The following ANKMY1 variants were observed in gnomAD, a reference collection of about 807,000 sequenced individuals.
ANKMY1 encodes the protein ankyrin repeat and MYND domain-containing protein 1.
ANKMY1 carries 98 observed loss-of-function variants against 102.0 expected under a neutral mutation model. The observed-to-expected ratio is 0.96, with a 90% CI of 0.82 to 1.14. ANKMY1 has a LOEUF of 1.14. ANKMY1 is among the 50% of genes most tolerant of loss of function. The pLI, the probability that ANKMY1 is intolerant of heterozygous loss-of-function variation, is 0.00. For synonymous variants in ANKMY1, 582 were observed against 559.9 expected, an observed-to-expected ratio of 1.04 and a Z score of -0.56; for missense variants, 1,330 against 1,347.6, an observed-to-expected ratio of 0.99 and a Z score of 0.20.
chr2:240,560,472 C>A (rs1157969691), upstream of ANKMY1: 9 of 687,766 alleles, frequency 1.3e-5, no homozygotes, highest in Non-Finnish European at 1.9e-5. Context: ...GCCCAAACCT[C>A]CCGCCATGCC....
chr2:240,561,016 C>G (rs982096102), upstream of ANKMY1: 1 of 1,533,740 alleles, frequency 6.5e-7, no homozygotes, highest in African/African-American at 1.4e-5. Flanking sequence ...AGCCGCTCGG[C>G]CGCCGTCTGC....
rs780812371 is a variant in ANKMY1 at position 240,557,355 on chromosome 2, GCAAGCGACGTCA to G, written c.-17-15_-17-4del. On this transcript the variant is annotated splice_region_variant and splice_polypyrimidine_tract_variant and intron_variant, in intron 1 of 17. Coordinates refer to ENST00000401804, the MANE Select transcript of ANKMY1 (RefSeq NM_001282771.3). The stretch of plus-strand genomic sequence containing the variant: ...TTCCATGTCTGTGGTCTTCCAACCT[GCAAGCGACGTCA>G]GGACCGCACATGTGCCCCCAGGGCT... 6.7e-7 allele frequency: 1 copy of G among 1,500,484 alleles called. No homozygotes were observed. Among genetic ancestry groups the G allele is most frequent in the African/African-American group, 1.4e-5 (1 of 70,432 alleles). The allele number at this position is 1,500,484 out of a possible 1,614,324, so 92.9% of individuals were successfully genotyped here.
upstream of ANKMY1, chr2:240,560,999 C>G (rs766787898): frequency 2.6e-6 from 4 of 1,538,520 alleles, no homozygotes; most frequent in East Asian, 2.4e-5. Flanking sequence ...ACTGCAAGAA[C>G]GGCCGCAGCC....
In ANKMY1 at chr2:240,507,701, C is replaced by T. The variant is rs1575026715; in HGVS notation, c.2395-10G>A. The T allele has an allele frequency of 1.9e-6, 3 of 1,593,994 alleles. No homozygotes were observed. Among genetic ancestry groups the T allele is most frequent in the East Asian group, 2.3e-5 (1 of 44,342 alleles). The stretch of plus-strand genomic sequence containing the variant: ...GGAGCTCCTTCACAACCTGAACATA[C>T]ACAGACAGTCTCATCAGTGGCCACC... On this transcript the variant is annotated splice_polypyrimidine_tract_variant and intron_variant, in intron 12 of 17. Transcript: ENST00000401804.
intron 16 of ANKMY1, 72 bp downstream of exon 16, chr2:240,482,111 G>T: frequency 6.6e-7 from 1 of 1,521,256 alleles, no homozygotes; most frequent in Non-Finnish European, 9.0e-7. Context: ...AGGTGGTCAG[G>T]CCAGGCACAA....
intron 10 of ANKMY1, 86 bp from the exon 11 acceptor site, chr2:240,512,087 C>T: frequency 1.4e-6 from 2 of 1,418,048 alleles, no homozygotes; most frequent in East Asian, 5.7e-5. Flanking sequence ...GCTTCCTCCC[C>T]AGCCTGCGGG....
chr2:240,478,034 C>G (rs550998595), downstream of ANKMY1, among the ~76,000 whole-genome samples: 5 of 152,236 alleles, frequency 3.3e-5, no homozygotes, highest in South Asian at 1.0e-3. Flanking sequence ...GCAGACTTCC[C>G]CATCTGGTGC....
intron 15 of ANKMY1, among the ~76,000 whole-genome samples, chr2:240,492,039 C>G (rs1250300473): frequency 6.6e-6 from 1 of 152,086 alleles, no homozygotes; most frequent in Middle Eastern, 3.4e-3. Context: ...GAGATAGGGT[C>G]TTGCTCTGTC....
Position 240,488,203 on chromosome 2 carries a change from C to T in ANKMY1, c.2807-5942G>A, listed in dbSNP as rs553246579. Among the ~76,000 whole-genome samples, 11 of 152,284 alleles carry T rather than the reference C, an allele frequency of 7.2e-5. No homozygotes were observed. The East Asian group carries it at 1.7e-3, about 24-fold the overall frequency. On this transcript the variant is annotated intron_variant, in intron 15 of 17. Coordinates refer to ENST00000401804, the MANE Select transcript of ANKMY1 (RefSeq NM_001282771.3). ...CTTCTGCATGTGGCTATCCAATTTT[C>T]CCAGCACCATTTACTGAAGAAAGTG...
the ANKMY1 span, among the ~76,000 whole-genome samples, chr2:240,472,757 G>A: frequency 6.6e-6 from 1 of 152,176 alleles, no homozygotes; most frequent in Admixed American, 6.5e-5. Context: ...AGTCTGTAAA[G>A]GCTGAAAGAG....
intron 13 of ANKMY1, among the ~76,000 whole-genome samples, chr2:240,504,918 T>G (rs1326675013): frequency 6.6e-6 from 1 of 151,588 alleles, no homozygotes; most frequent in Non-Finnish European, 1.5e-5. Flanking sequence ...ACCCGGGAGG[T>G]AGAGGTTGCA....
intron 15 of ANKMY1, among the ~76,000 whole-genome samples, chr2:240,492,662 T>C (rs1227125343): frequency 1.3e-5 from 2 of 152,248 alleles, no homozygotes; most frequent in Non-Finnish European, 2.9e-5. Context: ...TTCTCTTCTA[T>C]TTCAGGTCCT....
chr2:240,482,289 A>T, intron 15 of ANKMY1, 28 bp from the exon 16 acceptor site: 1 of 1,597,420 alleles, frequency 6.3e-7, no homozygotes, highest in Non-Finnish European at 8.5e-7. Flanking sequence ...CCGCATTAGT[A>T]CCCACGTGGC....
chr2:240,545,778 A>C (rs1044734439), intron 4 of ANKMY1, among the ~76,000 whole-genome samples: 32 of 152,212 alleles, frequency 2.1e-4, no homozygotes, highest in Non-Finnish European at 3.5e-4. Context: ...AGATGAAGTG[A>C]ATGAAATGAA....
Position 240,479,477 on chromosome 2 carries a change from T to G in ANKMY1, c.*132A>C. 1 of 1,117,930 alleles carries G rather than the reference T, an allele frequency of 8.9e-7. No individual in the cohort carries two copies. The highest frequency in any genetic ancestry group is 1.4e-5 in the South Asian group (1 of 71,774). The allele number at this position is 1,117,930 out of a possible 1,614,324, so 69.3% of individuals were successfully genotyped here. A position where few individuals can be genotyped will look rare whatever the true frequency, so the allele number is the denominator to read the frequency against. On this transcript the variant is annotated 3_prime_UTR_variant, in exon 18 of 18. Transcript: ENST00000401804. The stretch of plus-strand genomic sequence containing the variant: ...TATTGCGAGGTCGCAAGGGAGACAC[T>G]GCTACAAAGCATGACCCCAAAGGTG...
chr2:240,555,111 G>A, intron 2 of ANKMY1, 56 bp from the exon 3 acceptor site: 3 of 1,565,290 alleles, frequency 1.9e-6, no homozygotes, highest in Non-Finnish European at 2.6e-6. Context: ...TGCCTTCAGT[G>A]ACTGCTGAGC....
At position 240,529,661 on chromosome 2, in the gene ANKMY1, T is replaced by C; in HGVS notation, c.481-152A>G. 1.2e-6 allele frequency: 1 copy of C among 815,086 alleles called. No individual in the cohort carries two copies. Among genetic ancestry groups the C allele is most frequent in the Admixed American group, 2.9e-5 (1 of 34,100 alleles). 50.5% of individuals were successfully genotyped at this position (815,086 alleles called of 1,614,324 possible). ...TAAACATCTCTGGAGGCTTAGGCTG[T>C]GCCGCCCAGGGACCGAGGCGGACCA... On this transcript the variant is annotated intron_variant, in intron 4 of 17. Transcript: ENST00000401804. This position sits in a 1 kb window ranked among gnomAD's most constrained non-coding sequence, Gnocchi z 4.2.
In ANKMY1 at chr2:240,512,824, T is replaced by C. The variant is rs756191687; in HGVS notation, c.2123A>G (p.Asp708Gly). ...CACCTTGCCGGGCTTGTAAGTGTCG[T>C]CCTCGTCGGATGCCTTGGCGTCCAC... is the stretch of plus-strand genomic sequence containing the variant. ...TDVDAKASDE[D>G]DTYKPGKLDL... Residue 708 changes from aspartate (D) to glycine (G), a missense_variant, in exon 10 of 18, where the codon GAC (aspartate) becomes GGC (glycine). Asp to Gly is a moderately conservative substitution (Grantham distance 94). Coordinates refer to ENST00000401804, the MANE Select transcript of ANKMY1 (RefSeq NM_001282771.3). 2.2e-5 allele frequency: 35 copies of C among 1,613,774 alleles called. No homozygotes were observed. Among genetic ancestry groups the C allele is most frequent in the Non-Finnish European group, 2.9e-5 (34 of 1,179,914 alleles).
Position 240,481,115 on chromosome 2 carries a change from C to A in ANKMY1, c.2886-18G>T. 6.3e-7 allele frequency: 1 copy of A among 1,598,280 alleles called. No homozygotes were observed. Among genetic ancestry groups the A allele is most frequent in the Non-Finnish European group, 8.6e-7 (1 of 1,167,798 alleles). ...AGGGAATTCTGCAACAGAGCCTCACCGTCAGCAGGCGGCCACTCCAGAACC... is the reference window on the plus strand; with the variant it reads ...AGGGAATTCTGCAACAGAGCCTCACAGTCAGCAGGCGGCCACTCCAGAACC... On this transcript the variant is annotated intron_variant, in intron 16 of 17. Coordinates refer to ENST00000401804, the MANE Select transcript of ANKMY1 (RefSeq NM_001282771.3).
Sources: gnomAD v4.1 joint callset for allele counts (sites outside exome capture counted in the v4.1 genomes callset) on GRCh38, gnomAD v4.1.1 for gene constraint, Gnocchi (gnomAD v3.1) non-coding constraint, MANE v1.5 for transcripts, NCBI Gene and HGNC (gene_info 2026-07-23, HGNC 2026-07-21) for gene names.